PCDHGA10: variants seen among roughly 807,000 people sequenced by gnomAD.
The protein encoded by PCDHGA10 is protocadherin gamma-A10.
Under a neutral mutation model 59.5 loss-of-function variants are expected in PCDHGA10, and 42 were observed. That is an observed-to-expected ratio of 0.71 (90% CI 0.55 to 0.91). PCDHGA10 has a LOEUF of 0.91. PCDHGA10 is among the 40% of genes least tolerant of loss of function. PCDHGA10 has a pLI of 0.00. For missense variants in PCDHGA10, 1,111 were observed against 1,198.2 expected (o/e 0.93, Z 1.07); for synonymous variants, 511 against 517.2 (o/e 0.99, Z 0.16).
intron 1 of PCDHGA10, chr5:141,421,995 C>G (rs750731453): frequency 6.2e-7 from 1 of 1,608,844 alleles, no homozygotes; most frequent in South Asian, 1.1e-5. Context: ...CAGAAAACAT[C>G]AGCTCCGGAA....
chr5:141,478,637 G>A (rs1227108157), intron 1 of PCDHGA10: 2 of 1,552,684 alleles, frequency 1.3e-6, no homozygotes, highest in Non-Finnish European at 1.7e-6. Context: ...TTTTAGTGAT[G>A]AAGATGTTTT....
chr5:141,484,940 G>C, intron 1 of PCDHGA10: 1 of 541,138 alleles, frequency 1.8e-6, no homozygotes, highest in Non-Finnish European at 3.3e-6. Flanking sequence ...GACGTTCTCT[G>C]CTCAGCCTAT....
In PCDHGA10 at chr5:141,493,548, G is replaced by A. The variant is rs1243278355; in HGVS notation, c.2437-1259G>A. 3.9e-5 allele frequency among the ~76,000 whole-genome samples: 6 copies of A among 152,196 alleles called. No homozygotes were observed. ...AAACTTGGCCAGTTATCCTTTTGGA[G>A]ATTGAGTTCCCCCAGCTCCGTTTCC... On this transcript the variant is annotated intron_variant, in intron 1 of 3. Coordinates refer to ENST00000398610, the MANE Select transcript of PCDHGA10 (RefSeq NM_018913.3). This position sits in a 1 kb window ranked among gnomAD's most constrained non-coding sequence, Gnocchi z 4.3.
At chr5:141,479,823 G>A (rs1208437635) in intron 1 of PCDHGA10, among the ~76,000 whole-genome samples, 1 of 152,172 alleles carries the variant, frequency 6.6e-6, no homozygotes, top group Admixed American at 6.5e-5. Context: ...TACTATCCAA[G>A]GCATGGTATC....
chr5:141,486,271 C>T lies in PCDHGA10; in HGVS notation c.2437-8536C>T. 1 of 1,614,086 alleles carries T rather than the reference C, an allele frequency of 6.2e-7. No homozygotes were observed. Among genetic ancestry groups the T allele is most frequent in the Non-Finnish European group, 8.5e-7 (1 of 1,179,994 alleles). ...CCCTCCCCGAGAGTGCAGAACCTGG[C>T]ACTGTGGTGGCACTTATCAGTGTGC... On this transcript the variant is annotated intron_variant, in intron 1 of 3. Coordinates refer to ENST00000398610, the MANE Select transcript of PCDHGA10 (RefSeq NM_018913.3). The surrounding 1 kb of genome is among the most constrained non-coding windows in gnomAD (Gnocchi z 5.0).
chr5:141,456,103 T>C lies in PCDHGA10; in HGVS notation c.2437-38704T>C, dbSNP rs185224428. Among the ~76,000 whole-genome samples the C allele has an allele frequency of 2.6e-3, 390 of 152,142 alleles. 3 individuals are homozygous for C. The highest frequency in any genetic ancestry group is 6.7e-3 in the Admixed American group (103 of 15,290). On this transcript the variant is annotated intron_variant, in intron 1 of 3. Coordinates refer to ENST00000398610, the MANE Select transcript of PCDHGA10 (RefSeq NM_018913.3). The stretch of plus-strand genomic sequence containing the variant: ...CAGTAGAGACGGGATTTCACCGTGT[T>C]AGCCAGGATGGTCTCCATCTCCTGA...
chr5:141,416,096 T>C (rs2095991930), intron 1 of PCDHGA10: 1 of 161,152 alleles, frequency 6.2e-6, no homozygotes, highest in South Asian at 2.0e-4. Flanking sequence ...AGAAGGGCAA[T>C]AGGCCTTTTT....
chr5:141,475,899 T>A, intron 1 of PCDHGA10: 1 of 574,766 alleles, frequency 1.7e-6, no homozygotes. Flanking sequence ...TGTGTGCCGC[T>A]GTCGGCCAAT....
At chr5:141,424,610 ATAGAG>A (rs1374272828) in intron 1 of PCDHGA10, 2 of 152,216 alleles carry the variant, frequency 1.3e-5, no homozygotes, top group African/African-American at 4.8e-5. Flanking sequence ...ATTTATTCAA[ATAGAG>A]TAGTTTGTGA....
At chr5:141,445,890 T>A (rs1435563284) in intron 1 of PCDHGA10, among the ~76,000 whole-genome samples, 1 of 152,210 alleles carries the variant, frequency 6.6e-6, no homozygotes, top group Non-Finnish European at 1.5e-5. Flanking sequence ...ACTTAGGAGC[T>A]ATTAAAATAT....
At chr5:141,424,577 A>T (rs958508704) in intron 1 of PCDHGA10, 1 of 152,206 alleles carries the variant, frequency 6.6e-6, no homozygotes, top group Non-Finnish European at 1.5e-5. Context: ...ACCTATTTTC[A>T]AATGTGCTAA....
intron 1 of PCDHGA10, among the ~76,000 whole-genome samples, chr5:141,464,833 G>A (rs1015373577): frequency 6.6e-6 from 1 of 151,990 alleles, no homozygotes; most frequent in African/African-American, 2.4e-5. Context: ...CGCACTCCTG[G>A]GCTCAAGCAA....
chr5:141,508,904 T>C (rs1421450229), intron 3 of PCDHGA10, among the ~76,000 whole-genome samples: 2 of 151,336 alleles, frequency 1.3e-5, no homozygotes, highest in African/African-American at 4.9e-5. Context: ...GGCGGGGCGG[T>C]GGCGGATCTG....
chr5:141,448,621 T>C (rs2098597629), intron 1 of PCDHGA10, among the ~76,000 whole-genome samples: 1 of 152,168 alleles, frequency 6.6e-6, no homozygotes, highest in Admixed American at 6.5e-5. Flanking sequence ...TATATCTTCC[T>C]TTCTTCACAT....
In PCDHGA10 at chr5:141,432,716, C is replaced by G. The variant is rs1417017747; in HGVS notation, c.2436+17105C>G. ...GGCCGTCCAGGACCACGGCCAGCCC[C>G]CTCTCTCCGCCACTGTCACGCTCAC... On this transcript the variant is annotated intron_variant, in intron 1 of 3. Coordinates refer to ENST00000398610, the MANE Select transcript of PCDHGA10 (RefSeq NM_018913.3). This position sits in a 1 kb window ranked among gnomAD's most constrained non-coding sequence, Gnocchi z 6.0. 5.6e-6 allele frequency: 9 copies of G among 1,613,912 alleles called. No individual in the cohort carries two copies. Among genetic ancestry groups the G allele is most frequent in the Non-Finnish European group, 7.6e-6 (9 of 1,179,990 alleles).
chr5:141,454,740 G>GAGGCC (rs2098797560), intron 1 of PCDHGA10, among the ~76,000 whole-genome samples: 1 of 147,160 alleles, frequency 6.8e-6, no homozygotes, highest in Non-Finnish European at 1.5e-5. Flanking sequence ...AGGATGAAAA[G>GAGGCC]AGGCCAAACT....
chr5:141,486,400 T>G lies in PCDHGA10; in HGVS notation c.2437-8407T>G. On this transcript the variant is annotated intron_variant, in intron 1 of 3. Transcript: ENST00000398610. This position sits in a 1 kb window ranked among gnomAD's most constrained non-coding sequence, Gnocchi z 5.0. Reference sequence around the variant, plus strand: ...TCAGGAACCAGTTCTCCCTGGTGACTGCTGGACCCTTGGATCGAGAGGCCA... The same window carrying G: ...TCAGGAACCAGTTCTCCCTGGTGACGGCTGGACCCTTGGATCGAGAGGCCA... 5.0e-6 allele frequency: 8 copies of G among 1,614,194 alleles called. No homozygotes were observed. The highest frequency in any genetic ancestry group is 6.8e-6 in the Non-Finnish European group (8 of 1,180,028).
At chr5:141,457,750 C>G (rs900052683) in intron 1 of PCDHGA10, among the ~76,000 whole-genome samples, 4 of 152,188 alleles carry the variant, frequency 2.6e-5, no homozygotes, top group African/African-American at 9.6e-5. Flanking sequence ...AAGCTGAGCC[C>G]AGACATGGGT....
chr5:141,507,287 C>G (rs79707942), intron 3 of PCDHGA10: 1 of 148,974 alleles, frequency 6.7e-6, no homozygotes, highest in East Asian at 1.9e-4. Context: ...AAGTCAGTCT[C>G]AAATGTTGCA....
Sources: gnomAD v4.1 joint callset for allele counts (sites outside exome capture counted in the v4.1 genomes callset) on GRCh38, gnomAD v4.1.1 for gene constraint, Gnocchi (gnomAD v3.1) non-coding constraint, MANE v1.5 for transcripts, NCBI Gene and HGNC (gene_info 2026-07-23, HGNC 2026-07-21) for gene names.